Variants in DAB1 observed in about 807,000 individuals in gnomAD.
DAB1 encodes the protein disabled homolog 1.
DAB1 carries 15 observed loss-of-function variants against 64.6 expected under a neutral mutation model. That is an observed-to-expected ratio of 0.23 (90% CI 0.16 to 0.36). The LOEUF (loss-of-function observed/expected upper bound fraction) is 0.36, where lower values mean the gene tolerates loss of function less well. Ranked by LOEUF, DAB1 falls within the 10% of genes least tolerant of loss-of-function variation. The pLI, the probability that DAB1 is intolerant of heterozygous loss-of-function variation, is 1.00. For missense variants in DAB1, 596 were observed against 706.7 expected (o/e 0.84, Z 1.78); for synonymous variants, 235 against 251.9 (o/e 0.93, Z 0.64).
chr1:57,512,696 A>C (rs1264221758), intron 7 of DAB1, among the ~76,000 whole-genome samples: 1 of 152,208 alleles, frequency 6.6e-6, no homozygotes, highest in Non-Finnish European at 1.5e-5. Flanking sequence ...GTAACAGCTC[A>C]AGTTGTTCTT....
chr1:57,943,869 A>G (rs942690421), intron 5 of DAB1, among the ~76,000 whole-genome samples: 1 of 152,116 alleles, frequency 6.6e-6, no homozygotes, highest in African/African-American at 2.4e-5. Flanking sequence ...ACAGCATGGG[A>G]GAAAGGGCCA....
chr1:58,206,407 G>C (rs1209424071), intron 4 of DAB1, among the ~76,000 whole-genome samples: 1 of 152,126 alleles, frequency 6.6e-6, no homozygotes, highest in Admixed American at 6.6e-5. Context: ...AATCTCAGTT[G>C]CTATTTTTTT....
intron 4 of DAB1, among the ~76,000 whole-genome samples, chr1:58,162,964 A>C (rs1009044532): frequency 4.5e-4 from 68 of 152,164 alleles, no homozygotes; most frequent in African/African-American, 1.5e-3. Flanking sequence ...GATTGGTACT[A>C]CAATTTAGTA....
chr1:57,887,362 C>CTAAG (rs58296098), upstream of DAB1, among the ~76,000 whole-genome samples: 83,426 of 151,586 alleles, frequency 0.55, 23,163 homozygotes, highest in Admixed American at 0.6. Flanking sequence ...CAGGTACTCA[C>CTAAG]TGTCTATTAA....
At chr1:57,952,733 C>T (rs1645304800) in intron 5 of DAB1, among the ~76,000 whole-genome samples, 1 of 152,128 alleles carries the variant, frequency 6.6e-6, no homozygotes, top group African/African-American at 2.4e-5. Flanking sequence ...CAAGAAGACA[C>T]ATTCCTCTCA....
chr1:57,069,530 C>A, intron 7 of DAB1, 105 bp from the exon 8 acceptor site: 1 of 896,662 alleles, frequency 1.1e-6, no homozygotes, highest in Non-Finnish European at 1.8e-6. Context: ...ATTAACGAAG[C>A]AGGCACAAGA....
At chr1:57,770,287 A>G (rs1295532584) in intron 6 of DAB1, among the ~76,000 whole-genome samples, 2 of 152,108 alleles carry the variant, frequency 1.3e-5, no homozygotes, top group Non-Finnish European at 2.9e-5. Context: ...CGATTGATTG[A>G]TTGACAGGGC....
At chr1:57,818,402 G>C (rs951939123) in intron 6 of DAB1, among the ~76,000 whole-genome samples, 3 of 152,228 alleles carry the variant, frequency 2.0e-5, no homozygotes, top group Non-Finnish European at 2.9e-5. Context: ...GCAAGCATCA[G>C]AGACAGGAAG....
chr1:57,838,010 T>C (rs1025013013), intron 1 of DAB1, among the ~76,000 whole-genome samples: 3 of 152,056 alleles, frequency 2.0e-5, no homozygotes, highest in Admixed American at 6.6e-5. Flanking sequence ...CAGTGGATAT[T>C]TACCTAGTGT....
intron 6 of DAB1, among the ~76,000 whole-genome samples, chr1:57,688,261 A>G (rs968357033): frequency 6.6e-6 from 1 of 152,184 alleles, no homozygotes; most frequent in Admixed American, 6.5e-5. Context: ...AAGGACATAA[A>G]CAGACACTTC....
chr1:58,370,309 C>T (rs1322075368), intron 3 of DAB1, among the ~76,000 whole-genome samples: 1 of 150,932 alleles, frequency 6.6e-6, no homozygotes, highest in Non-Finnish European at 1.5e-5. Context: ...ATGAGGAAAG[C>T]AAAGCAGTAT....
At chr1:57,120,114 G>T (rs1656501027) in intron 4 of DAB1, among the ~76,000 whole-genome samples, 1 of 152,104 alleles carries the variant, frequency 6.6e-6, no homozygotes, top group Non-Finnish European at 1.5e-5. Context: ...CCAATGGAAA[G>T]AATATTTTTT....
chr1:57,217,033 A>G (rs996369691), intron 2 of DAB1, among the ~76,000 whole-genome samples: 6 of 152,214 alleles, frequency 3.9e-5, no homozygotes, highest in Admixed American at 1.3e-4. Context: ...TTTCCATCCA[A>G]TCACCTGCAG....
At chr1:58,539,229 C>T (rs1646565234) in intron 1 of DAB1, 3 of 871,292 alleles carry the variant, frequency 3.4e-6, no homozygotes, top group Non-Finnish European at 6.0e-6. Context: ...TCCAGTTAGA[C>T]AGTGAATTAA....
At chr1:57,559,569 T>C (rs987751506) in intron 7 of DAB1, among the ~76,000 whole-genome samples, 3 of 152,162 alleles carry the variant, frequency 2.0e-5, no homozygotes, top group African/African-American at 7.2e-5. Flanking sequence ...CAAAACATCA[T>C]TGTGACCCTC....
chr1:57,929,766 T>A (rs1251718690), intron 5 of DAB1, among the ~76,000 whole-genome samples: 1 of 152,176 alleles, frequency 6.6e-6, no homozygotes, highest in Non-Finnish European at 1.5e-5. Flanking sequence ...GGATCATGCC[T>A]GATGCACACC....
At chr1:58,353,312 T>A (rs1218831674) in intron 3 of DAB1, among the ~76,000 whole-genome samples, 6 of 152,196 alleles carry the variant, frequency 3.9e-5, no homozygotes, top group Non-Finnish European at 7.4e-5. Flanking sequence ...TTGAGTTGAT[T>A]TCATTCCAGC....
At chr1:58,416,851 T>G (rs1175707258) in intron 3 of DAB1, among the ~76,000 whole-genome samples, 1 of 152,126 alleles carries the variant, frequency 6.6e-6, no homozygotes, top group Non-Finnish European at 1.5e-5. Flanking sequence ...CTGTGGAAGA[T>G]GTAGCATGCA....
intron 7 of DAB1, among the ~76,000 whole-genome samples, chr1:57,577,723 C>T (rs1645266689): frequency 6.6e-6 from 1 of 152,124 alleles, no homozygotes; most frequent in Non-Finnish European, 1.5e-5. Context: ...CTCCACAAAA[C>T]CTGCTGAATC....
Sources: allele counts gnomAD v4.1 joint callset (sites outside exome capture counted in the v4.1 genomes callset), GRCh38; gene constraint gnomAD v4.1.1; transcripts MANE v1.5; gene names NCBI Gene and HGNC (gene_info 2026-07-23, HGNC 2026-07-21).